Variants in PTPRT observed in about 807,000 individuals in gnomAD.
PTPRT encodes receptor-type tyrosine-protein phosphatase T.
PTPRT carries 56 observed loss-of-function variants against 176.8 expected under a neutral mutation model. The observed-to-expected ratio is 0.32, with a 90% confidence interval of 0.26 to 0.40. PTPRT has a LOEUF of 0.40. Among genes scored for constraint, PTPRT ranks in the 10% least tolerant of loss-of-function variants. The pLI, the probability that PTPRT is intolerant of heterozygous loss-of-function variation, is 1.00. For missense variants in PTPRT, 1,540 were observed against 1,908.2 expected (o/e 0.81, Z 3.60); for synonymous variants, 783 against 739.0 (o/e 1.06, Z -0.96).
At chr20:42,840,694 C>T (rs1600817447) in intron 2 of PTPRT, among the ~76,000 whole-genome samples, 1 of 152,200 alleles carries the variant, frequency 6.6e-6, no homozygotes, top group Non-Finnish European at 1.5e-5. Context: ...ATTACAGGCA[C>T]GAGCCACCAT....
At chr20:42,055,137 C>T in the PTPRT span, among the ~76,000 whole-genome samples, 1 of 152,160 alleles carries the variant, frequency 6.6e-6, no homozygotes, top group Non-Finnish European at 1.5e-5. Flanking sequence ...CGGGAGTATT[C>T]CAGTGAGCAG....
intron 1 of PTPRT, among the ~76,000 whole-genome samples, chr20:43,073,037 C>T (rs1015222662): frequency 3.3e-5 from 5 of 152,098 alleles, no homozygotes; most frequent in Non-Finnish European, 7.4e-5. Flanking sequence ...TCCAAGCAGC[C>T]TTATGGCCAC....
intron 1 of PTPRT, among the ~76,000 whole-genome samples, chr20:43,110,963 G>A (rs73103997): frequency 2.6e-5 from 4 of 152,142 alleles, no homozygotes; most frequent in Admixed American, 1.3e-4. Flanking sequence ...CAATGTGGGT[G>A]GGGGGAGAGA....
rs1019453406 is a variant in PTPRT at position 43,171,213 on chromosome 20, T to C, written c.88+18433A>G. 3.3e-5 allele frequency among the ~76,000 whole-genome samples: 5 copies of C among 152,344 alleles called. 1 individual carries two copies. Among genetic ancestry groups the C allele is most frequent in the East Asian group, 1.9e-4 (1 of 5,192 alleles). On this transcript the variant is annotated intron_variant, in intron 1 of 30. Coordinates refer to ENST00000373187, the MANE Select transcript of PTPRT (RefSeq NM_007050.6). ...AATTGAGATTTCTGAATGACAGATT[T>C]AAGATAAAACAGCTACTATTATACA...
chr20:43,169,590 G>A (rs2014944569), intron 1 of PTPRT, among the ~76,000 whole-genome samples: 1 of 152,158 alleles, frequency 6.6e-6, no homozygotes, highest in Non-Finnish European at 1.5e-5. Context: ...TAATCCAAGA[G>A]TCACATGCTG....
chr20:43,129,102 G>T (rs867014962), intron 1 of PTPRT, among the ~76,000 whole-genome samples: 1 of 152,148 alleles, frequency 6.6e-6, no homozygotes, highest in East Asian at 1.9e-4. Flanking sequence ...CCCTCACCAG[G>T]TCATTCATAA....
At chr20:42,225,010 T>G (rs2055973515) in intron 15 of PTPRT, among the ~76,000 whole-genome samples, 1 of 152,206 alleles carries the variant, frequency 6.6e-6, no homozygotes. Flanking sequence ...CAGAGTCTTC[T>G]TGTATAAAAA....
intron 21 of PTPRT, chr20:42,115,964 T>C: frequency 2.8e-6 from 2 of 706,968 alleles, no homozygotes; most frequent in Non-Finnish European, 2.6e-6. Context: ...CATTCCCCAG[T>C]CGACTGTTTA....
At chr20:42,210,510 CAG>C (rs1404041431) in intron 15 of PTPRT, among the ~76,000 whole-genome samples, 1 of 152,088 alleles carries the variant, frequency 6.6e-6, no homozygotes, top group African/African-American at 2.4e-5. Flanking sequence ...AACAGACAAA[CAG>C]AGAGCCAAAT....
rs562853519 is a variant in PTPRT, at chr20:42,340,851, T to G, written c.1865+9777A>C. 4.6e-5 allele frequency among the ~76,000 whole-genome samples: 7 copies of G among 151,984 alleles called. No individual in the cohort carries two copies. The South Asian group carries it at 1.5e-3, about 32-fold the overall frequency. On this transcript the variant is annotated intron_variant, in intron 11 of 30. Coordinates refer to ENST00000373187, the MANE Select transcript of PTPRT (RefSeq NM_007050.6). ...AGTAAAAGTCAGCAGAAAAAAAAGT[T>G]AGAGAAAAAGTAAGGACCAGGAGAA...
intron 7 of PTPRT, among the ~76,000 whole-genome samples, chr20:42,527,923 C>T (rs947710991): frequency 2.1e-4 from 32 of 152,290 alleles, no homozygotes; most frequent in African/African-American, 7.7e-4. Flanking sequence ...AAAATAAATT[C>T]CAAGTTCTAG....
At chr20:42,692,454 G>A (rs1015881884) in intron 6 of PTPRT, among the ~76,000 whole-genome samples, 6 of 152,176 alleles carry the variant, frequency 3.9e-5, no homozygotes, top group African/African-American at 1.4e-4. Flanking sequence ...TCACATAGTT[G>A]TCTCAAGAGA....
intron 8 of PTPRT, among the ~76,000 whole-genome samples, chr20:42,458,539 A>G (rs1293477549): frequency 1.3e-5 from 2 of 152,156 alleles, no homozygotes; most frequent in African/African-American, 4.8e-5. Flanking sequence ...AGTAAATACT[A>G]TGTTTGTCTG....
chr20:42,106,099 C>T (rs903845399), intron 24 of PTPRT, among the ~76,000 whole-genome samples: 7 of 152,226 alleles, frequency 4.6e-5, no homozygotes, highest in African/African-American at 1.4e-4. Flanking sequence ...TTCTTAGTTT[C>T]TTCTTCATTG....
chr20:42,928,058 C>T (rs142754256), intron 1 of PTPRT, among the ~76,000 whole-genome samples: 198 of 152,196 alleles, frequency 1.3e-3, no homozygotes, highest in African/African-American at 4.6e-3. Context: ...CAAACTGGGA[C>T]GGGGTAAGGA....
chr20:42,308,771 A>G (rs1017199266), intron 12 of PTPRT, among the ~76,000 whole-genome samples: 2 of 152,154 alleles, frequency 1.3e-5, no homozygotes, highest in Non-Finnish European at 2.9e-5. Context: ...CCACTCTATC[A>G]TGCCACAGAA....
intron 1 of PTPRT, among the ~76,000 whole-genome samples, chr20:42,898,447 A>T (rs1438234396): frequency 1.3e-5 from 2 of 152,014 alleles, no homozygotes; most frequent in East Asian, 3.9e-4. Context: ...GCCCTAAGTG[A>T]TCCTCCCTCC....
Position 42,925,491 on chromosome 20 carries a change from T to C in PTPRT, c.89-39559A>G, listed in dbSNP as rs1205406658. Among the ~76,000 whole-genome samples the C allele has an allele frequency of 2.0e-5, 3 of 152,248 alleles. No homozygotes were observed. The South Asian group carries it at 6.2e-4, about 32-fold the overall frequency. On this transcript the variant is annotated intron_variant, in intron 1 of 30. Transcript: ENST00000373187. ...AAGCTCTAAAACTCAGAGGCTCTTT[T>C]TATATAAAGAGGTATTAGAAAAGAA...
At chr20:42,048,578 G>A in the PTPRT span, among the ~76,000 whole-genome samples, 2 of 152,120 alleles carry the variant, frequency 1.3e-5, no homozygotes, top group African/African-American at 4.8e-5. Context: ...AGGTGTTCCG[G>A]CCCACTGTCC....
Sources: allele counts gnomAD v4.1 joint callset (sites outside exome capture counted in the v4.1 genomes callset), GRCh38; gene constraint gnomAD v4.1.1; transcripts MANE v1.5; gene names NCBI Gene and HGNC (gene_info 2026-07-23, HGNC 2026-07-21).